GEMIN8: variants seen among roughly 807,000 people sequenced by gnomAD.
The protein encoded by GEMIN8 is gem nuclear organelle associated protein 8, also known as gem-associated protein 8.
For missense variants in GEMIN8, 185 were observed against 205.9 expected, an observed-to-expected ratio of 0.90 and a Z score of 0.62; for synonymous variants, 80 against 78.5, an observed-to-expected ratio of 1.02 and a Z score of -0.10.
chrX:14,010,270 T>A (rs1322549076), intron 4 of GEMIN8, among the ~76,000 whole-genome samples: 1 of 112,322 alleles, frequency 8.9e-6, no homozygotes, highest in East Asian at 2.8e-4. Flanking sequence ...AATATCATAA[T>A]TTTTATTCTT....
At chrX:14,013,788 G>GTTT in intron 4 of GEMIN8, 6 of 114,765 alleles carry the variant, frequency 5.2e-5, no homozygotes, top group Non-Finnish European at 9.7e-5. Context: ...GAATAAATCT[G>GTTT]TTTTTTTTTT....
At chrX:13,992,817 G>A in the GEMIN8 span, among the ~76,000 whole-genome samples, 2 of 111,578 alleles carry the variant, frequency 1.8e-5, no homozygotes, top group African/African-American at 3.3e-5. Context: ...GAAAAGTGAC[G>A]ATCTGGCTTA....
rs1569366925 is a variant in GEMIN8, at chrX:14,021,527, C to G, written c.-33-16G>C. On this transcript the variant is annotated splice_polypyrimidine_tract_variant and intron_variant, in intron 2 of 4. Coordinates refer to ENST00000680255, the MANE Select transcript of GEMIN8 (RefSeq NM_001042479.2). ...GGTGCTGAAACTAGGAAAGAAGAATCACAGTGCAAACGTCTGATCAGTATG... is the reference window on the plus strand; with the variant it reads ...GGTGCTGAAACTAGGAAAGAAGAATGACAGTGCAAACGTCTGATCAGTATG... 8.8e-7 allele frequency: 1 copy of G among 1,132,691 alleles called. No homozygotes were observed. The highest frequency in any genetic ancestry group is 1.2e-6 in the Non-Finnish European group (1 of 826,688). 93.3% of individuals were successfully genotyped at this position (1,132,691 alleles called of 1,213,427 possible).
chrX:14,011,040 A>C (rs911625577), intron 4 of GEMIN8, among the ~76,000 whole-genome samples: 1 of 111,991 alleles, frequency 8.9e-6, no homozygotes, highest in African/African-American at 3.2e-5. Context: ...AGCACTCGAC[A>C]ACCGCCATGA....
chrX:14,020,172 T>A lies in GEMIN8; in HGVS notation c.378A>T (p.Ser126=). ...LSKEEEMETE[S]DAEVECDLSN... is the part of the protein sequence containing the mutation. ...TCAGGTCACATTCTACCTCTGCATC[T>A]GACTCAGTCTCCATCTCTTCCTCTT... Residue 126 remains serine (S), a synonymous_variant, in exon 4 of 5, where the codon TCA becomes TCT. Coordinates refer to ENST00000680255, the MANE Select transcript of GEMIN8 (RefSeq NM_001042479.2). 4 of 1,204,488 alleles carry A rather than the reference T, an allele frequency of 3.3e-6. No homozygotes were observed. The highest frequency in any genetic ancestry group is 4.5e-6 in the Non-Finnish European group (4 of 888,932).
chrX:14,013,070 C>A (rs1022436172), intron 4 of GEMIN8, among the ~76,000 whole-genome samples: 18 of 112,391 alleles, frequency 1.6e-4, no homozygotes, highest in African/African-American at 4.2e-4. Flanking sequence ...ACTTAGGGGA[C>A]CAAGTAAACC....
intron 1 of GEMIN8, among the ~76,000 whole-genome samples, chrX:14,028,890 T>C (rs1924834559): frequency 8.9e-6 from 1 of 112,245 alleles, no homozygotes. Context: ...AAAGGGTAGC[T>C]CTCATCCTAC....
chrX:14,002,772 GA>G (rs1923019642), downstream of GEMIN8, among the ~76,000 whole-genome samples: 1 of 111,753 alleles, frequency 8.9e-6, no homozygotes, highest in Non-Finnish European at 1.9e-5. Context: ...AAAGCGCTGG[GA>G]TTACAGGCAT....
chrX:13,985,310 T>G, the GEMIN8 span, among the ~76,000 whole-genome samples: 1 of 111,889 alleles, frequency 8.9e-6, no homozygotes, highest in Admixed American at 9.5e-5. Context: ...TTCAAGTCAA[T>G]GGGACTGCAT....
chrX:13,986,704 C>T, the GEMIN8 span, among the ~76,000 whole-genome samples: 3 of 112,279 alleles, frequency 2.7e-5, no homozygotes, highest in African/African-American at 9.7e-5. Context: ...ATGGCCACAC[C>T]TAGCAGCAAC....
At chrX:14,010,426 A>G in intron 4 of GEMIN8, among the ~76,000 whole-genome samples, 1 of 112,177 alleles carries the variant, frequency 8.9e-6, no homozygotes, top group African/African-American at 3.2e-5. Flanking sequence ...ATGGCTATCA[A>G]GAGAAACACC....
At chrX:14,001,048 G>A in the GEMIN8 span, among the ~76,000 whole-genome samples, 1 of 111,988 alleles carries the variant, frequency 8.9e-6, no homozygotes, top group Non-Finnish European at 1.9e-5. Flanking sequence ...ATTTAGTACT[G>A]TAAAGCTCTT....
chrX:13,990,315 G>A, the GEMIN8 span, among the ~76,000 whole-genome samples: 1 of 112,730 alleles, frequency 8.9e-6, no homozygotes, highest in Non-Finnish European at 1.9e-5. Flanking sequence ...GTTGTTGAGC[G>A]CATCTGCTCT....
chrX:14,016,699 G>A (rs1170415538), intron 4 of GEMIN8, among the ~76,000 whole-genome samples: 1 of 105,782 alleles, frequency 9.5e-6, no homozygotes, highest in African/African-American at 3.4e-5. Flanking sequence ...AAAAAAATTA[G>A]CTGGGTGTGG....
Position 14,008,809 on chromosome X carries a change from A to G in GEMIN8, c.*104T>C, listed in dbSNP as rs1340727120. The stretch of plus-strand genomic sequence containing the variant: ...CTGGGACTGTGGTGAACATGCCTGT[A>G]CCCCAGTACAAAGTCCCCTTTCCCT... On this transcript the variant is annotated 3_prime_UTR_variant, in exon 5 of 5. Transcript: ENST00000680255. The G allele has an allele frequency of 3.7e-6, 3 of 800,452 alleles. No homozygotes were observed. The highest frequency in any genetic ancestry group is 5.5e-6 in the Non-Finnish European group (3 of 545,299). The allele number at this position is 800,452 out of a possible 1,213,427, so 66.0% of individuals were successfully genotyped here. A position where few individuals can be genotyped will look rare whatever the true frequency, so the allele number is the denominator to read the frequency against.
intron 2 of GEMIN8, among the ~76,000 whole-genome samples, chrX:14,025,807 A>G (rs1428395573): frequency 8.9e-6 from 1 of 112,106 alleles, no homozygotes; most frequent in Non-Finnish European, 1.9e-5. Context: ...CAGAGCTCTG[A>G]ATCTCTATTC....
At chrX:13,996,006 A>G in the GEMIN8 span, among the ~76,000 whole-genome samples, 4 of 112,178 alleles carry the variant, frequency 3.6e-5, no homozygotes, top group Non-Finnish European at 7.5e-5. Context: ...TGTGAAGCTC[A>G]GTCAAATCTA....
chrX:14,014,368 T>C (rs1923769980), intron 4 of GEMIN8: 24 of 752,177 alleles, frequency 3.2e-5, no homozygotes, highest in Non-Finnish European at 3.8e-5. Context: ...AGACTGGTCT[T>C]CTCTCTTCGT....
At chrX:14,001,620 A>C in the GEMIN8 span, among the ~76,000 whole-genome samples, 3 of 111,733 alleles carry the variant, frequency 2.7e-5, no homozygotes, top group African/African-American at 9.7e-5. Flanking sequence ...TCCTGGGTTC[A>C]AGTGATCCTC....
Sources: allele counts gnomAD v4.1 joint callset (sites outside exome capture counted in the v4.1 genomes callset), GRCh38; gene constraint gnomAD v4.1.1; transcripts MANE v1.5; gene names NCBI Gene and HGNC (gene_info 2026-07-23, HGNC 2026-07-21).